Variants in TCF12 observed in about 807,000 individuals in gnomAD.
TCF12 encodes the protein transcription factor 12.
Under a neutral mutation model 86.0 loss-of-function variants are expected in TCF12, and 45 were observed. The observed-to-expected ratio is 0.52, with a 90% CI of 0.41 to 0.67. TCF12 has a LOEUF of 0.67. TCF12 is among the 30% of genes least tolerant of loss of function. The pLI is 0.00. For synonymous variants in TCF12, 330 were observed against 299.6 expected (o/e 1.10, Z -1.05); for missense variants, 881 against 859.9 (o/e 1.02, Z -0.31).
At chr15:57,069,346 AT>A (rs1203918959) in intron 4 of TCF12, among the ~76,000 whole-genome samples, 2 of 152,148 alleles carry the variant, frequency 1.3e-5, no homozygotes, top group Non-Finnish European at 2.9e-5. Context: ...TATGGTAGTT[AT>A]TTTTTTAAAA....
Position 57,002,494 on chromosome 15 carries a change from G to T in TCF12, c.149-61256G>T, listed in dbSNP as rs528600521. On this transcript the variant is annotated intron_variant, in intron 3 of 20. Transcript: ENST00000333725. ...CATATTCATAAACCTGAGATTTTCT[G>T]TGTAGTGACATCTACCTATGTTGAT... 3.9e-5 allele frequency among the ~76,000 whole-genome samples: 6 copies of T among 152,254 alleles called. No individual in the cohort carries two copies. In the East Asian group the frequency reaches 1.2e-3, roughly 29 times the overall value.
chr15:57,177,214 A>G (rs2055981654), intron 6 of TCF12, among the ~76,000 whole-genome samples: 1 of 151,960 alleles, frequency 6.6e-6, no homozygotes, highest in Non-Finnish European at 1.5e-5. Flanking sequence ...ATAGGTAAAT[A>G]AATTGTTTTG....
chr15:57,214,018 T>C (rs1406888013), intron 8 of TCF12: 6 of 152,222 alleles, frequency 3.9e-5, no homozygotes, highest in Non-Finnish European at 7.3e-5. Context: ...AGGAAAATTA[T>C]CAAGTTGCAA....
At chr15:56,957,743 T>C (rs1291857247) in intron 3 of TCF12, among the ~76,000 whole-genome samples, 1 of 152,230 alleles carries the variant, frequency 6.6e-6, no homozygotes, top group Non-Finnish European at 1.5e-5. Context: ...TGTAATTTTT[T>C]ATTGGATTCC....
chr15:57,080,797 G>T (rs1179108491), intron 4 of TCF12, among the ~76,000 whole-genome samples: 1 of 151,966 alleles, frequency 6.6e-6, no homozygotes, highest in Non-Finnish European at 1.5e-5. Flanking sequence ...AACTATAATT[G>T]CCAAATCATT....
chr15:57,116,895 AT>A (rs1183351603), intron 5 of TCF12, among the ~76,000 whole-genome samples: 1 of 152,102 alleles, frequency 6.6e-6, no homozygotes, highest in African/African-American at 2.4e-5. Flanking sequence ...TAATGAAGTA[AT>A]TTATTAACAG....
At position 57,091,878 on chromosome 15, in the gene TCF12, C is replaced by G; in HGVS notation, c.312C>G (p.Asn104Lys). 2 of 1,613,462 alleles carry G rather than the reference C, an allele frequency of 1.2e-6. No homozygotes were observed. Among genetic ancestry groups the G allele is most frequent in the Non-Finnish European group, 1.7e-6 (2 of 1,179,478 alleles). ...GCTTGTCCCCAACACCTTTCATGAA[C>G]TCAAATCTGATGGGTAAGTTGGTAA... ...HEGLSPTPFMNSNLMGKTSER... is the reference protein window; with the variant it reads ...HEGLSPTPFMKSNLMGKTSER... Residue 104 changes from asparagine to lysine, a missense_variant, in exon 5 of 21, where the codon AAC becomes AAG. By Grantham distance (94) the Asn-to-Lys change is moderately conservative. Coordinates refer to ENST00000333725, the MANE Select transcript of TCF12 (RefSeq NM_207037.2).
intron 18 of TCF12, among the ~76,000 whole-genome samples, chr15:57,265,748 A>C (rs1240208195): frequency 6.6e-6 from 1 of 152,196 alleles, no homozygotes; most frequent in Admixed American, 6.5e-5. Context: ...GAACTGATCA[A>C]TGACATTGAG....
At chr15:57,004,676 T>C (rs910639114) in intron 3 of TCF12, among the ~76,000 whole-genome samples, 3 of 152,276 alleles carry the variant, frequency 2.0e-5, no homozygotes, top group Admixed American at 2.0e-4. Flanking sequence ...CCTAAAGTGC[T>C]GGGATTACAG....
chr15:57,175,020 AT>A (rs2055805653), intron 6 of TCF12, among the ~76,000 whole-genome samples: 1 of 152,182 alleles, frequency 6.6e-6, no homozygotes, highest in Non-Finnish European at 1.5e-5. Context: ...TAAAAAAAAA[AT>A]AAATCGGTAA....
At position 57,263,119 on chromosome 15, in the gene TCF12, G is replaced by A; in HGVS notation, c.1590G>A (p.Leu530=). 6.3e-7 allele frequency: 1 copy of A among 1,595,136 alleles called. No individual in the cohort carries two copies. Among genetic ancestry groups the A allele is most frequent in the Admixed American group, 1.9e-5 (1 of 53,332 alleles). Residue 530 remains leucine, a synonymous_variant, in exon 18 of 21, where the codon TTG becomes TTA. Coordinates refer to ENST00000333725, the MANE Select transcript of TCF12 (RefSeq NM_207037.2). The stretch of plus-strand genomic sequence containing the variant: ...CCTTTGCCTCTTTGTTAGGTGGCTT[G>A]CAAAGTCAGTCTGGAACTGTTGTTA... The part of the protein sequence containing the change: ...HKTQENYRGG[L]QSQSGTVVTT...
rs73411289 is a variant in TCF12 at position 56,973,225 on chromosome 15, C to T, written c.148+52127C>T. Among the ~76,000 whole-genome samples the T allele has an allele frequency of 4.5e-3, 688 of 152,158 alleles. 4 individuals carry two copies. Among genetic ancestry groups the T allele is most frequent in the African/African-American group, 0.015 (640 of 41,536 alleles). On this transcript the variant is annotated intron_variant, in intron 3 of 20. Transcript: ENST00000333725. Reference sequence around the variant, plus strand: ...ACAATCAAAATAGTTATAGATGAGACAGGTGTGTACATATATGAATGTGTA... The same window carrying T: ...ACAATCAAAATAGTTATAGATGAGATAGGTGTGTACATATATGAATGTGTA...
chr15:56,967,654 TCAGATCATTGGGAC>T, intron 3 of TCF12, among the ~76,000 whole-genome samples: 1 of 152,328 alleles, frequency 6.6e-6, no homozygotes, highest in African/African-American at 2.4e-5. Context: ...AAGTAGAGGA[TCAGATCATTGGGAC>T]TTGTTCTGGT....
At chr15:57,004,978 T>A (rs1477200782) in intron 3 of TCF12, among the ~76,000 whole-genome samples, 2 of 152,228 alleles carry the variant, frequency 1.3e-5, no homozygotes, top group Non-Finnish European at 2.9e-5. Context: ...TGTTTTTTCT[T>A]CCATTCATTG....
chr15:57,283,914 T>TAAAAG (rs2061815196), intron 20 of TCF12, among the ~76,000 whole-genome samples: 1 of 152,014 alleles, frequency 6.6e-6, no homozygotes, highest in African/African-American at 2.4e-5. Flanking sequence ...TCATTTAGGG[T>TAAAAG]AAAAGAAAAG....
At chr15:57,056,116 G>GGT (rs137934114) in intron 3 of TCF12, among the ~76,000 whole-genome samples, 25,617 of 143,038 alleles carry the variant, frequency 0.18, 2,444 homozygotes, top group Non-Finnish European at 0.22. Context: ...TAGTTTTAGG[G>GGT]GTGTGTGTGT....
intron 13 of TCF12, chr15:57,246,841 G>A (rs774358567): frequency 2.9e-6 from 1 of 349,686 alleles, no homozygotes; most frequent in Non-Finnish European, 5.6e-6. Flanking sequence ...TCCTTCTGTG[G>A]CAGATTTTTA....
chr15:57,125,885 A>G (rs1306333306), intron 5 of TCF12, among the ~76,000 whole-genome samples: 7 of 152,232 alleles, frequency 4.6e-5, no homozygotes, highest in Non-Finnish European at 1.0e-4. Flanking sequence ...TCCAGTGAAT[A>G]TGGTATTTTA....
chr15:57,040,521 C>A (rs561492439), intron 3 of TCF12, among the ~76,000 whole-genome samples: 1 of 152,284 alleles, frequency 6.6e-6, no homozygotes, highest in South Asian at 2.1e-4. Flanking sequence ...TACTGCCTTT[C>A]CTTTCCTCCA....
Sources: gnomAD v4.1 joint callset for allele counts (sites outside exome capture counted in the v4.1 genomes callset) on GRCh38, gnomAD v4.1.1 for gene constraint, MANE v1.5 for transcripts, NCBI Gene and HGNC (gene_info 2026-07-23, HGNC 2026-07-21) for gene names.